The following CUL7 variants were observed in gnomAD, a reference collection of about 807,000 sequenced individuals.
CUL7 encodes the protein cullin-7.
Under a neutral mutation model 177.7 loss-of-function variants are expected in CUL7, and 96 were observed. The observed-to-expected ratio is 0.54, with a 90% confidence interval of 0.46 to 0.64. The LOEUF (loss-of-function observed/expected upper bound fraction) is 0.64. CUL7 is among the 30% of genes least tolerant of loss of function. The probability of loss-of-function intolerance (pLI) is 0.00; values close to 1 mark genes in which losing one functional copy is unlikely to be tolerated. For missense variants in CUL7, 1,893 were observed against 2,187.9 expected (o/e 0.87, Z 2.69); for synonymous variants, 824 against 890.2 (o/e 0.93, Z 1.32).
chr6:43,045,575 C>A lies in CUL7; in HGVS notation c.2862+12G>T. On this transcript the variant is annotated intron_variant, in intron 14 of 25. Coordinates refer to ENST00000265348, the MANE Select transcript of CUL7 (RefSeq NM_014780.5). The surrounding 1 kb of genome is among the most constrained non-coding windows in gnomAD (Gnocchi z 4.8). ...CCCTACCCAGGGCCACACCCCACAT[C>A]CCTGGCCCCACCTGCTGGCAGCGCT... The A allele has an allele frequency of 3.1e-6, 5 of 1,614,126 alleles. No individual in the cohort carries two copies. Among genetic ancestry groups the A allele is most frequent in the Non-Finnish European group, 4.2e-6 (5 of 1,180,012 alleles).
intron 9 of CUL7, among the ~76,000 whole-genome samples, chr6:43,047,593 C>T (rs1275557125): frequency 6.6e-6 from 1 of 152,132 alleles, no homozygotes; most frequent in Non-Finnish European, 1.5e-5. Flanking sequence ...CTACTGTCAC[C>T]ATGACCCTAG....
In CUL7 at chr6:43,045,748, T is replaced by A; in HGVS notation, c.2767-66A>T. 1 of 1,536,256 alleles carries A rather than the reference T, an allele frequency of 6.5e-7. No homozygotes were observed. The highest frequency in any genetic ancestry group is 9.0e-7 in the Non-Finnish European group (1 of 1,110,192). ...GAGCCAAGTTGGCTCTAGGCTCCAG[T>A]CCCCTCACTGTTTCCCTCCCTTCCC... On this transcript the variant is annotated intron_variant, in intron 13 of 25. Transcript: ENST00000265348. The surrounding 1 kb of genome is among the most constrained non-coding windows in gnomAD (Gnocchi z 4.8).
At chr6:43,046,622 A>G (rs1763932985) in intron 10 of CUL7, 21 bp from the exon 11 acceptor site, 4 of 1,613,924 alleles carry the variant, frequency 2.5e-6, no homozygotes, top group Non-Finnish European at 3.4e-6. Flanking sequence ...AACATCAGAG[A>G]GAAGGGGCAC....
In CUL7 at chr6:43,037,672, G is replaced by T; in HGVS notation, c.*16C>A. 6.5e-7 allele frequency: 1 copy of T among 1,547,344 alleles called. No homozygotes were observed. The highest frequency in any genetic ancestry group is 8.7e-7 in the Non-Finnish European group (1 of 1,143,084). Reference sequence around the variant, plus strand: ...AAAAGCTCCAGCTCTACCTTCCCCTGACCCCAAGTCTAGGGCTACCGGAAG... The same window carrying T: ...AAAAGCTCCAGCTCTACCTTCCCCTTACCCCAAGTCTAGGGCTACCGGAAG... On this transcript the variant is annotated 3_prime_UTR_variant, in exon 26 of 26. Transcript: ENST00000265348.
At position 43,045,696 on chromosome 6, in the gene CUL7, G is replaced by A. The variant is rs754969453; in HGVS notation, c.2767-14C>T. ...CATCACATTCACCTGGCAGGGGGCA[G>A]AGAAAGCTGTCACCTCCACACATGC... On this transcript the variant is annotated splice_polypyrimidine_tract_variant and intron_variant, in intron 13 of 25. Coordinates refer to ENST00000265348, the MANE Select transcript of CUL7 (RefSeq NM_014780.5). The surrounding 1 kb of genome is among the most constrained non-coding windows in gnomAD (Gnocchi z 4.8). 6.5e-5 allele frequency: 105 copies of A among 1,613,908 alleles called. No homozygotes were observed. Among genetic ancestry groups the A allele is most frequent in the Non-Finnish European group, 8.9e-5 (105 of 1,179,876 alleles).
In CUL7 at chr6:43,047,087, G is replaced by C; in HGVS notation, c.2190C>G (p.Phe730Leu). The C allele has an allele frequency of 6.2e-7, 1 of 1,610,106 alleles. No individual in the cohort carries two copies. The highest frequency in any genetic ancestry group is 8.5e-7 in the Non-Finnish European group (1 of 1,176,430). Residue 730 changes from phenylalanine (F) to leucine (L), a missense_variant, in exon 10 of 26, where the codon TTC becomes TTG. This residue lies in a region of CUL7 where 973 missense variants were observed against 1,140.9 expected (regional missense o/e 0.85). Coordinates refer to ENST00000265348, the MANE Select transcript of CUL7 (RefSeq NM_014780.5). ...TCACTGAGGTCAGGCGGTGCAGGAAGAAAATCAGTTCCTGGAGCACCTGGG... is the reference window on the plus strand; with the variant it reads ...TCACTGAGGTCAGGCGGTGCAGGAACAAAATCAGTTCCTGGAGCACCTGGG... ...TDREVLQELI[F>L]FLHRLTSVSR...
Position 43,043,541 on chromosome 6 carries a change from C to G in CUL7, c.3262G>C (p.Ala1088Pro), listed in dbSNP as rs766691862. 3 of 1,613,980 alleles carry G rather than the reference C, an allele frequency of 1.9e-6. No homozygotes were observed. The East Asian group carries it at 6.7e-5, about 36-fold the overall frequency. ...AGACGGCGCACCCGCGAGAAGAAAG[C>G]TGGGCCGCGGCTCTGGGGGTTGAAG... is the stretch of plus-strand genomic sequence containing the variant. ...AVFNPQSRGP[A>P]FFSRVRRLTH... is the part of the protein sequence containing the mutation. Residue 1088 changes from alanine to proline, a missense_variant, in exon 17 of 26, where the codon GCT becomes CCT. Physicochemically the swap from Ala to Pro is conservative, Grantham distance 27. This residue lies in a region of CUL7 where 973 missense variants were observed against 1,140.9 expected (regional missense o/e 0.85). Coordinates refer to ENST00000265348, the MANE Select transcript of CUL7 (RefSeq NM_014780.5). This position sits in a 1 kb window ranked among gnomAD's most constrained non-coding sequence, Gnocchi z 4.2.
At chr6:43,044,589 AG>A (rs763472200) in intron 16 of CUL7, among the ~76,000 whole-genome samples, 162 bp downstream of exon 16, 1 of 152,172 alleles carries the variant, frequency 6.6e-6, no homozygotes, top group Non-Finnish European at 1.5e-5. Flanking sequence ...GACATGGGAA[AG>A]GGGGCAGCCC....
chr6:43,053,147 G>C lies in CUL7; in HGVS notation c.-8-351C>G, dbSNP rs1196749533. ...GAACAGGCAGCAACCTATGGGGTAT[G>C]TGAAGCCCAGAGGGGTATGTTTGGG... On this transcript the variant is annotated intron_variant, in intron 1 of 25. Transcript: ENST00000265348. This position sits in a 1 kb window ranked among gnomAD's most constrained non-coding sequence, Gnocchi z 4.1. 1.3e-5 allele frequency among the ~76,000 whole-genome samples: 2 copies of C among 152,224 alleles called. No individual in the cohort carries two copies. The highest frequency in any genetic ancestry group is 2.9e-5 in the Non-Finnish European group (2 of 68,042).
Position 43,043,489 on chromosome 6 carries a change from G to A in CUL7, c.3314C>T (p.Pro1105Leu), listed in dbSNP as rs368889786. ...RLTHLLVHVE[P>L]CEAPPPVVAT... is the part of the protein sequence containing the mutation. ...CACCACAGGAGGGGGTGCCTCACAG[G>A]GCTCGACATGCACCAGCAGGTGAGT... Residue 1105 changes from proline (P) to leucine (L), a missense_variant, in exon 17 of 26, where the codon CCC becomes CTC. Around this residue, in one of 5 missense-constraint regions of CUL7, gnomAD observed 973 missense variants for 1,140.9 expected, o/e 0.85. Coordinates refer to ENST00000265348, the MANE Select transcript of CUL7 (RefSeq NM_014780.5). The surrounding 1 kb of genome is among the most constrained non-coding windows in gnomAD (Gnocchi z 4.2). The A allele has an allele frequency of 1.9e-6, 3 of 1,613,930 alleles. No homozygotes were observed. The highest frequency in any genetic ancestry group is 2.5e-6 in the Non-Finnish European group (3 of 1,179,960).
In CUL7 at chr6:43,051,908, TATACAC is replaced by T. The variant is rs1472021240; in HGVS notation, c.581-151_581-146del. 1.8e-6 allele frequency: 2 copies of T among 1,104,856 alleles called. No individual in the cohort carries two copies. Among genetic ancestry groups the T allele is most frequent in the Non-Finnish European group, 2.7e-6 (2 of 729,180 alleles). The allele number at this position is 1,104,856 out of a possible 1,614,324, so 68.4% of individuals were successfully genotyped here. On this transcript the variant is annotated intron_variant, in intron 2 of 25. Coordinates refer to ENST00000265348, the MANE Select transcript of CUL7 (RefSeq NM_014780.5). The surrounding 1 kb of genome is among the most constrained non-coding windows in gnomAD (Gnocchi z 5.0). ...CTTCAAAAGCTAAAATTTGCTAACT[TATACAC>T]ATACACACACACACGCACATAAACA... is the stretch of plus-strand genomic sequence containing the variant.
intron 9 of CUL7, among the ~76,000 whole-genome samples, chr6:43,047,375 CAGAGAGCATCCCT>C (rs976195549): frequency 6.6e-6 from 1 of 152,160 alleles, no homozygotes; most frequent in African/African-American, 2.4e-5. Context: ...GCAAAAACGG[CAGAGAGCATCCCT>C]GGGTTCTTTC....
chr6:43,051,000 G>C lies in CUL7; in HGVS notation c.1201C>G (p.Arg401Gly). 4 of 1,614,106 alleles carry C rather than the reference G, an allele frequency of 2.5e-6. No homozygotes were observed. Among genetic ancestry groups the C allele is most frequent in the Non-Finnish European group, 3.4e-6 (4 of 1,180,018 alleles). Reference protein sequence around the residue: ...EISAGDEGEFRQSNNGVPPVQ... With the variant: ...EISAGDEGEFGQSNNGVPPVQ... The stretch of plus-strand genomic sequence containing the variant: ...GGAGGCACACCGTTGTTGCTCTGCC[G>C]AAACTCGCCCTCATCCCCGGCACTG... The change falls in exon 4 of 26, where the codon CGG becomes GGG. Residue 401 changes from arginine to glycine, a missense_variant. By Grantham distance (125) the Arg-to-Gly change is moderately radical. Transcript: ENST00000265348. This position sits in a 1 kb window ranked among gnomAD's most constrained non-coding sequence, Gnocchi z 4.1.
Position 43,050,248 on chromosome 6 carries a change from C to T in CUL7, c.1372+12G>A. ...TGCTCAGAGCTGACCCTTGCTTCCTCCCTGAGCTCACCTCTACCCAGGACT... is the reference window on the plus strand; with the variant it reads ...TGCTCAGAGCTGACCCTTGCTTCCTTCCTGAGCTCACCTCTACCCAGGACT... On this transcript the variant is annotated intron_variant, in intron 5 of 25. Transcript: ENST00000265348. The surrounding 1 kb of genome is among the most constrained non-coding windows in gnomAD (Gnocchi z 4.1). 6.2e-7 allele frequency: 1 copy of T among 1,614,172 alleles called. No homozygotes were observed. The highest frequency in any genetic ancestry group is 8.5e-7 in the Non-Finnish European group (1 of 1,180,034).
In CUL7 at chr6:43,052,680, C is replaced by T. The variant is rs1764524509; in HGVS notation, c.109G>A (p.Glu37Lys). The T allele has an allele frequency of 1.9e-6, 3 of 1,614,166 alleles. No homozygotes were observed. Among genetic ancestry groups the T allele is most frequent in the Non-Finnish European group, 2.5e-6 (3 of 1,180,050 alleles). The stretch of plus-strand genomic sequence containing the variant: ...AGGATGAGCCAACGGATCTGGTACT[C>T]AGGATGCCCATCATGGCCCACGCGC... Reference protein sequence around the residue: ...RQRVGHDGHPEYQIRWLILRR... With the variant: ...RQRVGHDGHPKYQIRWLILRR... The change falls in exon 2 of 26, where the codon GAG becomes AAG. Residue 37 changes from glutamate (E) to lysine (K), a missense_variant. Glu to Lys is a moderately conservative substitution (Grantham distance 56). Around this residue, in one of 5 missense-constraint regions of CUL7, gnomAD observed 653 missense variants for 725.2 expected, o/e 0.90. Transcript: ENST00000265348. This position sits in a 1 kb window ranked among gnomAD's most constrained non-coding sequence, Gnocchi z 4.5.
At chr6:43,041,759 A>T (rs1043341485) in intron 19 of CUL7, among the ~76,000 whole-genome samples, 3 of 151,808 alleles carry the variant, frequency 2.0e-5, no homozygotes, top group African/African-American at 4.8e-5. Flanking sequence ...TAATCCCAAC[A>T]CTTTGGGAGG....
At chr6:43,039,052 G>C in intron 22 of CUL7, 65 bp from the exon 23 acceptor site, 3 of 1,041,690 alleles carry the variant, frequency 2.9e-6, no homozygotes, top group Non-Finnish European at 4.5e-6. Context: ...TTGGAGGGAG[G>C]GTGCACGCTG....
Position 43,040,439 on chromosome 6 carries a change from A to G in CUL7, c.4024-13T>C. On this transcript the variant is annotated splice_polypyrimidine_tract_variant and intron_variant, in intron 21 of 25. Coordinates refer to ENST00000265348, the MANE Select transcript of CUL7 (RefSeq NM_014780.5). The surrounding 1 kb of genome is among the most constrained non-coding windows in gnomAD (Gnocchi z 4.2). ...CCCCAAGGCCCACCTGAAGGAGCACAGGGTTCCCAGATGCCATGGCCTCCT... is the reference window on the plus strand; with the variant it reads ...CCCCAAGGCCCACCTGAAGGAGCACGGGGTTCCCAGATGCCATGGCCTCCT... The G allele has an allele frequency of 6.2e-7, 1 of 1,612,244 alleles. No homozygotes were observed. Among genetic ancestry groups the G allele is most frequent in the Non-Finnish European group, 8.5e-7 (1 of 1,180,026 alleles).
chr6:43,045,595 A>G lies in CUL7; in HGVS notation c.2854T>C (p.Cys952Arg), dbSNP rs1763832617. The change falls in exon 14 of 26, where the codon TGC (cysteine) becomes CGC (arginine). Residue 952 changes from cysteine (C) to arginine (R), a missense_variant. This residue lies in a region of CUL7 where 973 missense variants were observed against 1,140.9 expected (regional missense o/e 0.85). Coordinates refer to ENST00000265348, the MANE Select transcript of CUL7 (RefSeq NM_014780.5). This position sits in a 1 kb window ranked among gnomAD's most constrained non-coding sequence, Gnocchi z 4.8. ...CACATCCCTGGCCCCACCTGCTGGC[A>G]GCGCTTTATGCGGATCTGGATGATG... ...WPIIQIRIKR[C>R]QQGGIDTRIR... is the part of the protein sequence containing the mutation. The G allele has an allele frequency of 6.2e-7, 1 of 1,614,184 alleles. No individual in the cohort carries two copies. The highest frequency in any genetic ancestry group is 8.5e-7 in the Non-Finnish European group (1 of 1,180,038).
Sources: gnomAD v4.1 joint callset for allele counts (sites outside exome capture counted in the v4.1 genomes callset) on GRCh38, gnomAD v4.1.1 for gene constraint, gnomAD v4.1.1 regional missense constraint, Gnocchi (gnomAD v3.1) non-coding constraint, MANE v1.5 for transcripts, NCBI Gene and HGNC (gene_info 2026-07-23, HGNC 2026-07-21) for gene names.